Variants in ITSN2 observed in about 807,000 individuals in gnomAD.
ITSN2 encodes the protein intersectin 2.
ITSN2 carries 156 observed loss-of-function variants against 243.7 expected under a neutral mutation model. The observed-to-expected ratio is 0.64, with a 90% CI of 0.56 to 0.73. The LOEUF is 0.73. Among genes scored for constraint, ITSN2 ranks in the 30% least tolerant of loss-of-function variants. The probability of loss-of-function intolerance (pLI) is 0.00; values close to 1 mark genes in which losing one functional copy is unlikely to be tolerated. For missense variants in ITSN2, 1,801 were observed against 1,996.1 expected, an observed-to-expected ratio of 0.90 and a Z score of 1.86; for synonymous variants, 703 against 699.9, an observed-to-expected ratio of 1.00 and a Z score of -0.07.
chr2:24,215,609 G>A (rs1244653644), intron 32 of ITSN2, among the ~76,000 whole-genome samples: 2 of 148,900 alleles, frequency 1.3e-5, no homozygotes, highest in Non-Finnish European at 3.0e-5. Context: ...AGAGGTTGCA[G>A]TGAGCCAAGA....
In ITSN2 at chr2:24,288,207, A is replaced by C. The variant is rs564353375; in HGVS notation, c.1724-1856T>G. Among the ~76,000 whole-genome samples, 129 of 152,210 alleles carry C rather than the reference A, an allele frequency of 8.5e-4. 1 individual carries two copies. Among genetic ancestry groups the C allele is most frequent in the Non-Finnish European group, 1.4e-3 (98 of 67,948 alleles). On this transcript the variant is annotated intron_variant, in intron 15 of 39. Coordinates refer to ENST00000355123, the MANE Select transcript of ITSN2 (RefSeq NM_006277.3). ...TGAGCTGATTTTTGAGTATGGTATA[A>C]GGCTCCAATTTCATTCTTTTGCAGG...
At chr2:24,251,371 G>A (rs552573927) in intron 25 of ITSN2, among the ~76,000 whole-genome samples, 70 of 3,048 alleles carry the variant, frequency 0.023, 31 homozygotes, top group African/African-American at 0.078. Context: ...GTGTGTGTGT[G>A]TATATATGTA....
intron 15 of ITSN2, among the ~76,000 whole-genome samples, chr2:24,291,313 G>A (rs1172292747): frequency 6.6e-6 from 1 of 152,022 alleles, no homozygotes; most frequent in Non-Finnish European, 1.5e-5. Flanking sequence ...ATTTTTAGCA[G>A]TGATGGGGTT....
At chr2:24,321,312 C>T (rs960089225) in intron 2 of ITSN2, among the ~76,000 whole-genome samples, 4 of 152,102 alleles carry the variant, frequency 2.6e-5, no homozygotes, top group East Asian at 1.9e-4. Context: ...GAATCAAATA[C>T]GTTTAGGTAT....
intron 5 of ITSN2, among the ~76,000 whole-genome samples, 156 bp downstream of exon 5, chr2:24,312,056 G>A (rs1418395338): frequency 2.0e-5 from 3 of 152,146 alleles, no homozygotes; most frequent in South Asian, 2.1e-4. Context: ...CCCTACCTGT[G>A]ACAGTGAATT....
chr2:24,307,585 T>TTA (rs1441746204), intron 8 of ITSN2, among the ~76,000 whole-genome samples: 6 of 152,182 alleles, frequency 3.9e-5, no homozygotes, highest in Non-Finnish European at 7.4e-5. Flanking sequence ...CCACAAGAGG[T>TTA]AACCACTATC....
intron 7 of ITSN2, 86 bp downstream of exon 7, chr2:24,310,198 T>C: frequency 1.2e-6 from 1 of 850,456 alleles, no homozygotes; most frequent in South Asian, 1.7e-5. Context: ...AAAACTTAGG[T>C]AAGCTCAAAG....
At chr2:24,216,945 C>T (rs886708204) in intron 31 of ITSN2, among the ~76,000 whole-genome samples, 7 of 151,734 alleles carry the variant, frequency 4.6e-5, no homozygotes, top group African/African-American at 1.2e-4. Flanking sequence ...ATTAGCCGGG[C>T]GCAGTGGTGG....
At chr2:24,318,067 CCT>C (rs1553386774) in intron 2 of ITSN2, among the ~76,000 whole-genome samples, 99 of 152,192 alleles carry the variant, frequency 6.5e-4, no homozygotes, top group Non-Finnish European at 1.2e-3. Flanking sequence ...AAAACATTCC[CCT>C]GTTGACACTT....
chr2:24,248,586 AC>A, intron 27 of ITSN2, 42 bp downstream of exon 27: 1 of 1,509,648 alleles, frequency 6.6e-7, no homozygotes, highest in Non-Finnish European at 9.0e-7. Flanking sequence ...AGCATGCAGT[AC>A]TTTTATAATA....
At chr2:24,301,126 A>T in intron 11 of ITSN2, 28 bp downstream of exon 11, 1 of 1,258,672 alleles carries the variant, frequency 7.9e-7, no homozygotes, top group Non-Finnish European at 1.1e-6. Flanking sequence ...ACTCAGTATA[A>T]ATATACAACT....
chr2:24,331,178 TCTC>T (rs2151856201), intron 1 of ITSN2, among the ~76,000 whole-genome samples: 1 of 151,752 alleles, frequency 6.6e-6, no homozygotes, highest in South Asian at 2.1e-4. Context: ...TTCAAGCAAT[TCTC>T]CTGCCTCAGC....
chr2:24,225,879 T>A lies in ITSN2; in HGVS notation c.3578-4813A>T, dbSNP rs940656278. 6.6e-6 allele frequency among the ~76,000 whole-genome samples: 1 copy of A among 152,198 alleles called. No individual in the cohort carries two copies. Among genetic ancestry groups the A allele is most frequent in the Non-Finnish European group, 1.5e-5 (1 of 68,032 alleles). On this transcript the variant is annotated intron_variant, in intron 29 of 39. Coordinates refer to ENST00000355123, the MANE Select transcript of ITSN2 (RefSeq NM_006277.3). The surrounding 1 kb of genome is among the most constrained non-coding windows in gnomAD (Gnocchi z 4.2). Reference sequence around the variant, plus strand: ...TTTTTTGTCCTGAGAAAAGTCCTGATGAACTGAGGAATTCGGGTTTTATGG... The same window carrying A: ...TTTTTTGTCCTGAGAAAAGTCCTGAAGAACTGAGGAATTCGGGTTTTATGG...
intron 14 of ITSN2, among the ~76,000 whole-genome samples, chr2:24,294,333 G>A (rs565979213): frequency 3.9e-5 from 6 of 152,208 alleles, no homozygotes; most frequent in Non-Finnish European, 8.8e-5. Context: ...GGCTGAAGCA[G>A]GAGAATTGCT....
chr2:24,333,490 T>A (rs1686013774), intron 1 of ITSN2, among the ~76,000 whole-genome samples: 1 of 152,246 alleles, frequency 6.6e-6, no homozygotes, highest in South Asian at 2.1e-4. Context: ...TCACAGGGGA[T>A]GAAATGTAGT....
chr2:24,320,507 C>G (rs1253025595), intron 2 of ITSN2, among the ~76,000 whole-genome samples: 1 of 118,420 alleles, frequency 8.4e-6, no homozygotes, highest in Non-Finnish European at 1.6e-5. Context: ...GCCTGGGCGA[C>G]AGAGCGAGAC....
At chr2:24,358,369 T>C (rs1688644361) in intron 1 of ITSN2, among the ~76,000 whole-genome samples, 1 of 152,246 alleles carries the variant, frequency 6.6e-6, no homozygotes, top group Admixed American at 6.5e-5. Context: ...ACTTACCTTT[T>C]TGATGGGAAG....
At chr2:24,214,223 A>G (rs1669755378) in intron 32 of ITSN2, among the ~76,000 whole-genome samples, 1 of 152,254 alleles carries the variant, frequency 6.6e-6, no homozygotes, top group Admixed American at 6.5e-5. Flanking sequence ...AGAGTTTAAC[A>G]GCTGTATTTG....
chr2:24,361,197 T>C (rs547785647), upstream of ITSN2, among the ~76,000 whole-genome samples: 35 of 152,200 alleles, frequency 2.3e-4, no homozygotes, highest in East Asian at 1.9e-4. Flanking sequence ...TCTGTCCCCA[T>C]AGAGCATAGC....
Sources: gnomAD v4.1 joint callset for allele counts (sites outside exome capture counted in the v4.1 genomes callset) on GRCh38, gnomAD v4.1.1 for gene constraint, Gnocchi (gnomAD v3.1) non-coding constraint, MANE v1.5 for transcripts, NCBI Gene and HGNC (gene_info 2026-07-23, HGNC 2026-07-21) for gene names.